Variants in STX6 observed in about 807,000 individuals in gnomAD.
STX6 encodes the protein syntaxin-6.
In STX6, 23 loss-of-function variants were observed where a neutral mutation model predicts 38.0. The observed-to-expected ratio is 0.60, with a 90% confidence interval of 0.43 to 0.86. STX6 has a LOEUF of 0.86. Among genes scored for constraint, STX6 ranks in the 40% least tolerant of loss-of-function variants. The pLI is 0.00. For missense variants in STX6, 274 were observed against 312.9 expected (o/e 0.88, Z 0.94); for synonymous variants, 123 against 107.5 (o/e 1.14, Z -0.89).
At chr1:180,988,625 T>C (rs1655660143) in intron 5 of STX6, 1 of 322,758 alleles carries the variant, frequency 3.1e-6, no homozygotes, top group East Asian at 8.2e-5. Flanking sequence ...CGTCCAATAA[T>C]GGAGCAGACA....
chr1:180,989,854 C>T, intron 5 of STX6, 130 bp downstream of exon 5: 1 of 1,125,452 alleles, frequency 8.9e-7, no homozygotes, highest in Non-Finnish European at 1.3e-6. Flanking sequence ...TTATTAAACA[C>T]AATCAACACA....
chr1:180,985,310 C>T lies in STX6; in HGVS notation c.597-539G>A, dbSNP rs539047716. ...TGCCACTTGTTTACATTGCTACCTT[C>T]GACAACATACTCTATAACTCTTTGG... On this transcript the variant is annotated intron_variant, in intron 6 of 7. Transcript: ENST00000258301. Among the ~76,000 whole-genome samples the T allele has an allele frequency of 7.2e-5, 11 of 152,334 alleles. 1 individual carries two copies. The South Asian group carries it at 1.2e-3, about 17-fold the overall frequency.
At chr1:180,984,443 G>A (rs565433980) in intron 7 of STX6, among the ~76,000 whole-genome samples, 1 of 152,194 alleles carries the variant, frequency 6.6e-6, no homozygotes, top group Admixed American at 6.5e-5. Context: ...CTACTCAGGA[G>A]GTCAAGGCAT....
At chr1:180,999,910 C>T (rs1656029555) in intron 3 of STX6, among the ~76,000 whole-genome samples, 1 of 152,156 alleles carries the variant, frequency 6.6e-6, no homozygotes, top group African/African-American at 2.4e-5. Context: ...GCTCTTCCAC[C>T]CAGAACCCAG....
intron 1 of STX6, among the ~76,000 whole-genome samples, chr1:181,011,307 G>A (rs10910849): frequency 0.3 from 45,904 of 152,088 alleles, 7,526 homozygotes; most frequent in Non-Finnish European, 0.36. Flanking sequence ...GTGTATCAGG[G>A]AATCCCATCT....
At chr1:180,999,242 C>CCATG (rs1656008764) in intron 3 of STX6, among the ~76,000 whole-genome samples, 1 of 152,172 alleles carries the variant, frequency 6.6e-6, no homozygotes, top group African/African-American at 2.4e-5. Flanking sequence ...GAATGACTTA[C>CCATG]CATGGTTAAG....
chr1:180,984,079 A>C (rs1210305739), intron 7 of STX6, among the ~76,000 whole-genome samples: 11 of 148,792 alleles, frequency 7.4e-5, no homozygotes, highest in African/African-American at 2.5e-4. Flanking sequence ...AAAAAAAAAA[A>C]AAAAAAAAAA....
intron 3 of STX6, among the ~76,000 whole-genome samples, chr1:181,002,304 C>A (rs1656104378): frequency 1.3e-5 from 2 of 151,912 alleles, no homozygotes; most frequent in African/African-American, 4.8e-5. Context: ...TGTGCACCAC[C>A]ATGCCCAGCT....
At chr1:180,988,492 G>GGGATGATAAAGTCAGCTCATGT in intron 5 of STX6, 147 bp from the exon 6 acceptor site, 1 of 613,102 alleles carries the variant, frequency 1.6e-6, no homozygotes. Context: ...CCAGACCGTT[G>GGGATGATAAAGTCAGCTCATGT]CCTCTGAGAA....
rs921411967 is a variant in STX6 at position 180,972,785 on chromosome 1, G to A, written c.*3785C>T. On this transcript the variant is annotated 3_prime_UTR_variant, in exon 8 of 8. Coordinates refer to ENST00000258301, the MANE Select transcript of STX6 (RefSeq NM_005819.6). ...ACTTTTGTACATACTGTTGTCCTGA[G>A]TAACAGTATCTCTAAGCTGAGTTAC... 2 of 361,540 alleles carry A rather than the reference G, an allele frequency of 5.5e-6. No individual in the cohort carries two copies. Among genetic ancestry groups the A allele is most frequent in the Admixed American group, 6.9e-5 (2 of 28,804 alleles). The allele number at this position is 361,540 out of a possible 1,614,324, so 22.4% of individuals were successfully genotyped here.
At chr1:180,982,014 C>T (rs3789363) in intron 7 of STX6, among the ~76,000 whole-genome samples, 10,477 of 152,234 alleles carry the variant, frequency 0.069, 489 homozygotes, top group Middle Eastern at 0.14. Flanking sequence ...AAAAAAATCT[C>T]AGTATCTACT....
At position 181,002,639 on chromosome 1, in the gene STX6, T is replaced by C; in HGVS notation, c.267A>G (p.Lys89=). Residue 89 remains lysine (K), a synonymous_variant, in exon 3 of 8, where the codon AAA becomes AAG. Transcript: ENST00000258301. ...NLDATELSIR[K]AFITSTRQVV... The stretch of plus-strand genomic sequence containing the variant: ...CTTGCCGAGTACTTGTAATGAAGGC[T>C]TTTCTTATACTCAATTCAGTTGCAT... 6.2e-7 allele frequency: 1 copy of C among 1,613,704 alleles called. No homozygotes were observed. The highest frequency in any genetic ancestry group is 2.2e-5 in the East Asian group (1 of 44,866).
intron 2 of STX6, among the ~76,000 whole-genome samples, chr1:181,002,904 C>T (rs1021830649): frequency 1.3e-5 from 2 of 152,212 alleles, no homozygotes; most frequent in Non-Finnish European, 2.9e-5. Context: ...CAGAGATGAT[C>T]TGTCTGGTTA....
intron 7 of STX6, among the ~76,000 whole-genome samples, chr1:180,979,695 G>A (rs1395359439): frequency 6.6e-6 from 1 of 152,166 alleles, no homozygotes; most frequent in Non-Finnish European, 1.5e-5. Context: ...AATTGAAATT[G>A]GGATGTCATT....
intron 1 of STX6, among the ~76,000 whole-genome samples, chr1:181,007,128 T>A (rs939497508): frequency 6.6e-6 from 1 of 152,006 alleles, no homozygotes; most frequent in Non-Finnish European, 1.5e-5. Flanking sequence ...TTGGTATCCT[T>A]AGGGGATTGG....
intron 3 of STX6, among the ~76,000 whole-genome samples, chr1:181,000,875 CAAAA>C (rs34045263): frequency 2.8e-5 from 2 of 72,626 alleles, no homozygotes; most frequent in African/African-American, 1.0e-4. Flanking sequence ...CCTACTACTA[CAAAA>C]AAAAAAAAAA....
chr1:180,979,372 G>A (rs1048470019), intron 7 of STX6, among the ~76,000 whole-genome samples: 4 of 152,194 alleles, frequency 2.6e-5, no homozygotes, highest in African/African-American at 9.7e-5. Flanking sequence ...GGAACAGACA[G>A]TCCAGAAATA....
intron 5 of STX6, chr1:180,988,572 C>CG: frequency 2.3e-6 from 1 of 436,122 alleles, no homozygotes; most frequent in South Asian, 2.3e-5. Flanking sequence ...GAACAGTCAG[C>CG]GGGGCTTGAA....
chr1:180,984,088 A>C lies in STX6; in HGVS notation c.691+589T>G, dbSNP rs12083896. Reference sequence around the variant, plus strand: ...CAAAAAAAAAAAAAAAAAAAAAAAAAAACACAACGAAAGTGACTCTACTGG... The same window carrying C: ...CAAAAAAAAAAAAAAAAAAAAAAAACAACACAACGAAAGTGACTCTACTGG... On this transcript the variant is annotated intron_variant, in intron 7 of 7. Transcript: ENST00000258301. Among the ~76,000 whole-genome samples, 699 of 101,288 alleles carry C rather than the reference A, an allele frequency of 6.9e-3. 20 individuals carry two copies. Among genetic ancestry groups the C allele is most frequent in the Middle Eastern group, 0.022 (4 of 178 alleles). The allele number at this position is 101,288 out of a possible 152,430, so 66.4% of individuals were successfully genotyped here.
Sources: allele counts gnomAD v4.1 joint callset (sites outside exome capture counted in the v4.1 genomes callset), GRCh38; gene constraint gnomAD v4.1.1; transcripts MANE v1.5; gene names NCBI Gene and HGNC (gene_info 2026-07-23, HGNC 2026-07-21).